KALRN: variants seen among roughly 807,000 people sequenced by gnomAD.
KALRN encodes kalirin.
KALRN carries 70 observed loss-of-function variants against 353.7 expected under a neutral mutation model. That is an observed-to-expected ratio of 0.20 (90% CI 0.16 to 0.24). KALRN has a LOEUF of 0.24. KALRN is among the 10% of genes least tolerant of loss of function. The pLI, the probability that KALRN is intolerant of heterozygous loss-of-function variation, is 1.00. For synonymous variants in KALRN, 1,391 were observed against 1,434.8 expected, an observed-to-expected ratio of 0.97 and a Z score of 0.69; for missense variants, 2,791 against 3,756.7, an observed-to-expected ratio of 0.74 and a Z score of 6.72.
intron 34 of KALRN, among the ~76,000 whole-genome samples, chr3:124,629,526 A>G (rs2080499907): frequency 6.6e-6 from 1 of 152,004 alleles, no homozygotes; most frequent in Non-Finnish European, 1.5e-5. Context: ...CATCCAAAGG[A>G]TCTATTACTG....
At chr3:124,170,831 C>CTTTTTTTTTTTTTTTTTTTTTTTTTTTT (rs752783614) in intron 1 of KALRN, among the ~76,000 whole-genome samples, 1 of 47,148 alleles carries the variant, frequency 2.1e-5, no homozygotes, top group Non-Finnish European at 3.9e-5. Context: ...CTTCCACATT[C>CTTTTTTTTTTTTTTTTTTTTTTTTTTTT]TTTTTTTTTT....
At chr3:124,655,536 C>G (rs1213871908) in intron 38 of KALRN, 65 bp from the exon 39 acceptor site, 4 of 1,336,638 alleles carry the variant, frequency 3.0e-6, no homozygotes, top group East Asian at 4.6e-5. Context: ...TTTCTGTGAA[C>G]TTAAGTGAAG....
intron 1 of KALRN, among the ~76,000 whole-genome samples, chr3:124,151,083 C>T (rs1056127091): frequency 1.3e-5 from 2 of 152,156 alleles, no homozygotes; most frequent in African/African-American, 2.4e-5. Context: ...ATCCATCTTA[C>T]TGTACAAGGT....
intron 33 of KALRN, among the ~76,000 whole-genome samples, chr3:124,533,652 A>G (rs1220097759): frequency 1.3e-5 from 2 of 152,196 alleles, no homozygotes; most frequent in African/African-American, 4.8e-5. Flanking sequence ...CTGTGTCAAA[A>G]AAACCAAAAA....
At chr3:124,504,179 T>G (rs895115198) in intron 33 of KALRN, among the ~76,000 whole-genome samples, 2 of 152,046 alleles carry the variant, frequency 1.3e-5, no homozygotes, top group African/African-American at 2.4e-5. Context: ...GATCTATAGG[T>G]GATAGCTGCA....
At chr3:124,346,271 C>A (rs1057321937) in intron 9 of KALRN, among the ~76,000 whole-genome samples, 1 of 152,166 alleles carries the variant, frequency 6.6e-6, no homozygotes, top group Non-Finnish European at 1.5e-5. Context: ...CACGTCAAGG[C>A]TTTTACTAAG....
chr3:124,237,582 C>T (rs569988180), intron 3 of KALRN, among the ~76,000 whole-genome samples: 16 of 152,186 alleles, frequency 1.1e-4, no homozygotes, highest in South Asian at 2.1e-4. Flanking sequence ...AGGCTGGTCT[C>T]GAACTCCTGA....
intron 5 of KALRN, among the ~76,000 whole-genome samples, chr3:124,290,838 A>G (rs1012699766): frequency 6.6e-6 from 1 of 152,212 alleles, no homozygotes; most frequent in African/African-American, 2.4e-5. Flanking sequence ...CATAACTGTC[A>G]TCATCATTGA....
intron 1 of KALRN, among the ~76,000 whole-genome samples, chr3:124,191,898 C>T (rs1426874227): frequency 6.6e-6 from 1 of 152,210 alleles, no homozygotes; most frequent in Non-Finnish European, 1.5e-5. Flanking sequence ...GAATTAGACT[C>T]TGTCTTTTAA....
rs117084291 is a variant in KALRN, at chr3:124,569,175, G to A, written c.5182+6086G>A. Among the ~76,000 whole-genome samples, 270 of 152,198 alleles carry A rather than the reference G, an allele frequency of 1.8e-3. 11 individuals are homozygous for A. In the East Asian group the frequency reaches 0.042, roughly 24 times the overall value. On this transcript the variant is annotated intron_variant, in intron 34 of 59. Coordinates refer to ENST00000682506, the MANE Select transcript of KALRN (RefSeq NM_001388419.1). ...TGAAACCAAGTCCAAGGCTTCCCCC[G>A]TGAGCCTCAGAAGCAGATGCTCTAG... is the stretch of plus-strand genomic sequence containing the variant.
chr3:124,329,289 G>A (rs947845514), intron 7 of KALRN, among the ~76,000 whole-genome samples: 2 of 152,138 alleles, frequency 1.3e-5, no homozygotes, highest in African/African-American at 4.8e-5. Context: ...TGCCTCTCTC[G>A]TTTCCACCCT....
chr3:124,423,720 T>C (rs533279882), intron 15 of KALRN, among the ~76,000 whole-genome samples: 13 of 152,216 alleles, frequency 8.5e-5, no homozygotes, highest in Non-Finnish European at 1.5e-4. Flanking sequence ...AAATTCTCAA[T>C]ATTAGCTGAA....
chr3:124,713,408 CCATGCTTATT>C (rs965878790), intron 58 of KALRN, among the ~76,000 whole-genome samples: 1 of 152,160 alleles, frequency 6.6e-6, no homozygotes, highest in African/African-American at 2.4e-5. Context: ...TCTCTCACTT[CCATGCTTATT>C]TTCTTTCTAT....
chr3:124,596,624 C>T (rs920924780), intron 34 of KALRN, among the ~76,000 whole-genome samples: 1 of 152,180 alleles, frequency 6.6e-6, no homozygotes, highest in African/African-American at 2.4e-5. Flanking sequence ...TCAGTTTCTT[C>T]ATCTGGAAGA....
At chr3:124,459,429 T>C (rs573186) in intron 23 of KALRN, among the ~76,000 whole-genome samples, 82,959 of 152,078 alleles carry the variant, frequency 0.55, 23,693 homozygotes, top group Middle Eastern at 0.64. Context: ...ATTCATTTAG[T>C]GAGCTGGAAC....
At chr3:124,463,355 A>G (rs2060030329) in intron 25 of KALRN, among the ~76,000 whole-genome samples, 1 of 152,244 alleles carries the variant, frequency 6.6e-6, no homozygotes, top group Non-Finnish European at 1.5e-5. Flanking sequence ...ACCCTGCTGC[A>G]GAGCAGTGCT....
intron 58 of KALRN, 143 bp downstream of exon 58, chr3:124,713,278 A>G (rs916142369): frequency 1.3e-5 from 7 of 531,876 alleles, no homozygotes; most frequent in Admixed American, 1.2e-4. Flanking sequence ...TCTCTCCCCC[A>G]TTTTATAATC....
chr3:124,519,477 G>A, intron 33 of KALRN: 5 of 985,162 alleles, frequency 5.1e-6, no homozygotes, highest in Non-Finnish European at 6.0e-6. Context: ...TTTTTTAAAG[G>A]CCCACTGCTT....
chr3:124,490,543 C>T, intron 29 of KALRN, 151 bp from the exon 30 acceptor site: 1 of 634,966 alleles, frequency 1.6e-6, no homozygotes, highest in Non-Finnish European at 2.7e-6. Context: ...TGGAAGTGTT[C>T]AGCAGTCTCT....
Sources: allele counts gnomAD v4.1 joint callset (sites outside exome capture counted in the v4.1 genomes callset), GRCh38; gene constraint gnomAD v4.1.1; transcripts MANE v1.5; gene names NCBI Gene and HGNC (gene_info 2026-07-23, HGNC 2026-07-21).